AGBL4: variants seen among roughly 807,000 people sequenced by gnomAD.
The protein encoded by AGBL4 is cytosolic carboxypeptidase 6.
Under a neutral mutation model 66.4 loss-of-function variants are expected in AGBL4, and 58 were observed. That is an observed-to-expected ratio of 0.87 (90% CI 0.71 to 1.09). AGBL4 has a LOEUF of 1.09. Ranked by LOEUF, AGBL4 falls within the 50% of genes least tolerant of loss-of-function variation. AGBL4 has a pLI of 0.00. For synonymous variants in AGBL4, 234 were observed against 222.9 expected, an observed-to-expected ratio of 1.05 and a Z score of -0.44; for missense variants, 579 against 631.0, an observed-to-expected ratio of 0.92 and a Z score of 0.88.
intron 1 of AGBL4, among the ~76,000 whole-genome samples, chr1:50,008,474 C>T (rs2148431742): frequency 6.6e-6 from 1 of 151,834 alleles, no homozygotes; most frequent in East Asian, 1.9e-4. Context: ...CAAATGATAA[C>T]AAAAACATAA....
chr1:49,725,148 G>C (rs550927927), intron 2 of AGBL4, among the ~76,000 whole-genome samples: 1 of 152,192 alleles, frequency 6.6e-6, no homozygotes, highest in Non-Finnish European at 1.5e-5. Context: ...TTCATCATGT[G>C]AAACTCCTGC....
rs1372655655 is a variant in AGBL4, at chr1:50,005,514, A to G, written c.34+18249T>C. 1.6e-4 allele frequency among the ~76,000 whole-genome samples: 24 copies of G among 152,172 alleles called. 1 individual carries two copies. ...ACCTAAGTCCCTTCAAATACCTGGAAAACCTTTCAAAGAAGGACAAGAATA... is the reference window on the plus strand; with the variant it reads ...ACCTAAGTCCCTTCAAATACCTGGAGAACCTTTCAAAGAAGGACAAGAATA... On this transcript the variant is annotated intron_variant, in intron 1 of 13. Transcript: ENST00000371839.
At chr1:49,995,506 G>A in intron 1 of AGBL4, 1 of 344,504 alleles carries the variant, frequency 2.9e-6, no homozygotes, top group Non-Finnish European at 5.7e-6. Context: ...TGCCCAAGAA[G>A]AGTCTGAGCT....
At chr1:48,709,732 T>C (rs1384076708) in intron 6 of AGBL4, among the ~76,000 whole-genome samples, 1 of 151,910 alleles carries the variant, frequency 6.6e-6, no homozygotes, top group East Asian at 1.9e-4. Flanking sequence ...CTCCTGAGTA[T>C]CTGGGACTAC....
chr1:49,936,877 A>G (rs1284790630), intron 1 of AGBL4, among the ~76,000 whole-genome samples: 3 of 152,182 alleles, frequency 2.0e-5, no homozygotes, highest in Non-Finnish European at 4.4e-5. Context: ...ACCAGCCACT[A>G]CAAAATCATG....
chr1:49,175,664 CT>C (rs1053672915), intron 4 of AGBL4, among the ~76,000 whole-genome samples: 52 of 152,094 alleles, frequency 3.4e-4, no homozygotes, highest in African/African-American at 1.2e-3. Flanking sequence ...TACAGGCAAA[CT>C]TTTTACTTGA....
intron 3 of AGBL4, among the ~76,000 whole-genome samples, chr1:49,387,689 C>A (rs1438620698): frequency 6.6e-6 from 1 of 151,982 alleles, no homozygotes; most frequent in African/African-American, 2.4e-5. Flanking sequence ...TCTATGTTTT[C>A]AAAACACCAA....
intron 6 of AGBL4, among the ~76,000 whole-genome samples, chr1:48,757,480 T>C (rs906193849): frequency 2.6e-5 from 4 of 152,106 alleles, no homozygotes; most frequent in African/African-American, 9.7e-5. Flanking sequence ...AATGGTAGAG[T>C]TGGGGAGTGG....
Position 49,083,730 on chromosome 1 carries a change from T to C in AGBL4, c.378-37930A>G, listed in dbSNP as rs530098787. 2.0e-5 allele frequency among the ~76,000 whole-genome samples: 3 copies of C among 152,340 alleles called. No homozygotes were observed. The East Asian group carries it at 5.8e-4, about 29-fold the overall frequency. Reference sequence around the variant, plus strand: ...TCTATTGAATTTCTCCTCAGAAAATTGGTTTTTCTTTTCTACAGCATCATC... The same window carrying C: ...TCTATTGAATTTCTCCTCAGAAAATCGGTTTTTCTTTTCTACAGCATCATC... On this transcript the variant is annotated intron_variant, in intron 4 of 13. Transcript: ENST00000371839.
At chr1:49,665,049 T>C (rs1309104739) in intron 3 of AGBL4, among the ~76,000 whole-genome samples, 1 of 152,142 alleles carries the variant, frequency 6.6e-6, no homozygotes, top group East Asian at 1.9e-4. Flanking sequence ...TAAATGAATA[T>C]TAAGAAATTT....
intron 1 of AGBL4, among the ~76,000 whole-genome samples, chr1:49,866,340 T>C (rs1340556149): frequency 6.6e-6 from 1 of 151,530 alleles, no homozygotes; most frequent in South Asian, 2.1e-4. Flanking sequence ...AAGGAAAAAA[T>C]GTTAAGGGCA....
intron 3 of AGBL4, among the ~76,000 whole-genome samples, chr1:49,476,869 A>C (rs1646857300): frequency 6.6e-6 from 1 of 152,016 alleles, no homozygotes; most frequent in Non-Finnish European, 1.5e-5. Flanking sequence ...GGCAGCATTC[A>C]CCACAAGCTG....
At chr1:48,954,240 G>A (rs1363252284) in intron 5 of AGBL4, among the ~76,000 whole-genome samples, 2 of 152,156 alleles carry the variant, frequency 1.3e-5, no homozygotes, top group African/African-American at 4.8e-5. Context: ...TGTTCCATAT[G>A]TCAGGTTCCC....
intron 4 of AGBL4, chr1:49,048,468 G>C (rs1019681465): frequency 6.6e-6 from 1 of 152,094 alleles, no homozygotes; most frequent in Admixed American, 6.6e-5. Flanking sequence ...ATGGGCTCTA[G>C]GGCAATCATT....
intron 3 of AGBL4, among the ~76,000 whole-genome samples, chr1:49,569,281 C>T (rs575371436): frequency 5.3e-5 from 8 of 152,038 alleles, no homozygotes; most frequent in Middle Eastern, 3.4e-3. Context: ...TACCATAAAA[C>T]CTAGAAAGAA....
intron 4 of AGBL4, among the ~76,000 whole-genome samples, chr1:49,198,051 C>T (rs1647373498): frequency 6.6e-6 from 1 of 152,060 alleles, no homozygotes; most frequent in Admixed American, 6.6e-5. Flanking sequence ...TGTCTTCTCA[C>T]AGTCTTCTGA....
At chr1:49,540,541 A>ACC (rs1651929375) in intron 3 of AGBL4, among the ~76,000 whole-genome samples, 1 of 152,228 alleles carries the variant, frequency 6.6e-6, no homozygotes, top group Non-Finnish European at 1.5e-5. Flanking sequence ...GCCTATGGTC[A>ACC]AGCATATAGT....
intron 12 of AGBL4, among the ~76,000 whole-genome samples, chr1:48,535,401 C>T (rs921412281): frequency 5.2e-4 from 79 of 152,170 alleles, no homozygotes; most frequent in African/African-American, 1.7e-3. Context: ...GCTCCTCACC[C>T]TGCTGTTTTC....
chr1:48,756,802 C>T (rs1643955407), intron 6 of AGBL4, among the ~76,000 whole-genome samples: 1 of 152,070 alleles, frequency 6.6e-6, no homozygotes, highest in South Asian at 2.1e-4. Context: ...TGCCTGTAGC[C>T]CTGAGAGGAT....
Sources: gnomAD v4.1 joint callset for allele counts (sites outside exome capture counted in the v4.1 genomes callset) on GRCh38, gnomAD v4.1.1 for gene constraint, MANE v1.5 for transcripts, NCBI Gene and HGNC (gene_info 2026-07-23, HGNC 2026-07-21) for gene names.